SOBP: variants seen among roughly 807,000 people sequenced by gnomAD.
The protein encoded by SOBP is sine oculis binding protein homolog.
A neutral mutation model predicts 53.6 loss-of-function variants in SOBP; 4 were observed. The ratio of observed to expected loss-of-function variants is 0.07; its 90% CI spans 0.04 to 0.17. SOBP has a LOEUF of 0.17. SOBP is among the 10% of genes least tolerant of loss of function. The probability of loss-of-function intolerance (pLI) is 1.00; values close to 1 mark genes in which losing one functional copy is unlikely to be tolerated. For synonymous variants in SOBP, 584 were observed against 522.6 expected (o/e 1.12, Z -1.60); for missense variants, 1,088 against 1,204.7 (o/e 0.90, Z 1.43).
rs747346883 is a variant in SOBP at position 107,503,710 on chromosome 6, G to A, written c.150G>A (p.Lys50=). Reference sequence around the variant, plus strand: ...TCCTTGGCTGGTATGGCTATGATAAGGTTGAATTAAAAGATGGTGAGGATA... The same window carrying A: ...TCCTTGGCTGGTATGGCTATGATAAAGTTGAATTAAAAGATGGTGAGGATA... ...NELLGWYGYD[K]VELKDGEDIE... Residue 50 remains lysine, a synonymous_variant, in exon 2 of 7, where the codon AAG becomes AAA. Coordinates refer to ENST00000317357, the MANE Select transcript of SOBP (RefSeq NM_018013.4). The A allele has an allele frequency of 1.9e-6, 3 of 1,614,174 alleles. No homozygotes were observed. Among genetic ancestry groups the A allele is most frequent in the African/African-American group, 2.7e-5 (2 of 75,036 alleles).
At chr6:107,593,578 T>C (rs1182797589) in intron 5 of SOBP, among the ~76,000 whole-genome samples, 1 of 152,168 alleles carries the variant, frequency 6.6e-6, no homozygotes, top group Non-Finnish European at 1.5e-5. Flanking sequence ...TCTGGGCAAG[T>C]TTCTCACTCT....
chr6:107,557,525 C>A (rs1784649341), intron 4 of SOBP, among the ~76,000 whole-genome samples: 1 of 152,194 alleles, frequency 6.6e-6, no homozygotes, highest in African/African-American at 2.4e-5. Context: ...CAAAGTATAT[C>A]TGATGGCCTT....
intron 6 of SOBP, among the ~76,000 whole-genome samples, chr6:107,647,696 C>T (rs1386224544): frequency 2.6e-5 from 4 of 151,868 alleles, no homozygotes. Flanking sequence ...CACAGGGTGG[C>T]GCAGCCAGGA....
At position 107,634,871 on chromosome 6, in the gene SOBP, T is replaced by C. The variant is rs1290730346; in HGVS notation, c.2027T>C (p.Val676Ala). The stretch of plus-strand genomic sequence containing the variant: ...ATCCACCGCGCGCTGCACGCGCACG[T>C]CAAGGCGGAGCGCGAGCCGAGCGCC... ...NVIHRALHAH[V>A]KAEREPSAAE... The change falls in exon 6 of 7, where the codon GTC becomes GCC. Residue 676 changes from valine to alanine, a missense_variant. Val to Ala is a moderately conservative substitution (Grantham distance 64, BLOSUM62 0). Coordinates refer to ENST00000317357, the MANE Select transcript of SOBP (RefSeq NM_018013.4). This position sits in a 1 kb window ranked among gnomAD's most constrained non-coding sequence, Gnocchi z 4.5. The C allele has an allele frequency of 4.3e-5, 58 of 1,357,336 alleles. No individual in the cohort carries two copies. The highest frequency in any genetic ancestry group is 1.4e-4 in the East Asian group (4 of 28,734). The allele number at this position is 1,357,336 out of a possible 1,614,324, so 84.1% of individuals were successfully genotyped here.
In SOBP at chr6:107,635,297, T is replaced by C; in HGVS notation, c.2453T>C (p.Leu818Pro). The change falls in exon 6 of 7, where the codon CTG becomes CCG. Residue 818 changes from leucine (L) to proline (P), a missense_variant. By Grantham distance (98) the Leu-to-Pro change is moderately conservative. This residue lies in a region of SOBP where 665 missense variants were observed against 629.7 expected (regional missense o/e 1.06). Coordinates refer to ENST00000317357, the MANE Select transcript of SOBP (RefSeq NM_018013.4). This position sits in a 1 kb window ranked among gnomAD's most constrained non-coding sequence, Gnocchi z 4.5. The stretch of plus-strand genomic sequence containing the variant: ...GCGGACGAGGACCATGCCTATGCTC[T>C]GCGGATGCTGCCCAAGACCGGCTGC... ...NPADEDHAYA[L>P]RMLPKTGCVI... 2 of 1,613,816 alleles carry C rather than the reference T, an allele frequency of 1.2e-6. No individual in the cohort carries two copies. Among genetic ancestry groups the C allele is most frequent in the Non-Finnish European group, 1.7e-6 (2 of 1,179,962 alleles).
At chr6:107,552,739 A>G (rs761201674) in intron 4 of SOBP, among the ~76,000 whole-genome samples, 7 of 152,182 alleles carry the variant, frequency 4.6e-5, no homozygotes, top group Non-Finnish European at 1.0e-4. Context: ...GCTACCAAGT[A>G]GAAAGAGTGG....
chr6:107,594,519 C>CCCA (rs1785873122), intron 5 of SOBP, among the ~76,000 whole-genome samples: 1 of 151,616 alleles, frequency 6.6e-6, no homozygotes, highest in African/African-American at 2.4e-5. Flanking sequence ...TCTACATGGT[C>CCCA]CCAGACCTCT....
At chr6:107,619,874 T>TA (rs1351935764) in intron 5 of SOBP, among the ~76,000 whole-genome samples, 1 of 152,104 alleles carries the variant, frequency 6.6e-6, no homozygotes. Flanking sequence ...GAGGGAGTAT[T>TA]ACGGGATTAG....
At chr6:107,652,771 T>G (rs1473262940) in intron 6 of SOBP, among the ~76,000 whole-genome samples, 2 of 152,160 alleles carry the variant, frequency 1.3e-5, no homozygotes, top group African/African-American at 2.4e-5. Context: ...ACCACCCTGA[T>G]TAGTCAGCAG....
At position 107,503,728 on chromosome 6, in the gene SOBP, T is replaced by C. The variant is rs781699567; in HGVS notation, c.168T>C (p.Gly56=). ...ATGATAAGGTTGAATTAAAAGATGG[T>C]GAGGATATTGAATTCAGGAGCTACC... ...YGYDKVELKD[G]EDIEFRSYPT... is the part of the protein sequence containing the mutation. The change falls in exon 2 of 7, where the codon GGT becomes GGC. Residue 56 remains glycine, a synonymous_variant. Transcript: ENST00000317357. The C allele has an allele frequency of 6.2e-7, 1 of 1,614,092 alleles. No homozygotes were observed. Among genetic ancestry groups the C allele is most frequent in the Non-Finnish European group, 8.5e-7 (1 of 1,179,994 alleles).
intron 5 of SOBP, among the ~76,000 whole-genome samples, chr6:107,611,211 C>A (rs564942910): frequency 1.3e-5 from 2 of 152,240 alleles, no homozygotes; most frequent in African/African-American, 4.8e-5. Flanking sequence ...GACATGAGGT[C>A]TTTGTGGGAC....
At chr6:107,505,529 G>T (rs1422064447) in intron 2 of SOBP, among the ~76,000 whole-genome samples, 4 of 152,010 alleles carry the variant, frequency 2.6e-5, no homozygotes, top group African/African-American at 7.2e-5. Flanking sequence ...CACCATGTTG[G>T]CCAGGCTGGT....
At chr6:107,529,907 A>T (rs1783770822) in intron 3 of SOBP, among the ~76,000 whole-genome samples, 1 of 152,120 alleles carries the variant, frequency 6.6e-6, no homozygotes, top group Non-Finnish European at 1.5e-5. Context: ...TTCGGTACAA[A>T]TTTTTCATGA....
chr6:107,619,952 G>A (rs1255488908), intron 5 of SOBP, among the ~76,000 whole-genome samples: 1 of 152,158 alleles, frequency 6.6e-6, no homozygotes, highest in Non-Finnish European at 1.5e-5. Context: ...GGTAATACCT[G>A]GAAGGTTATG....
intron 5 of SOBP, among the ~76,000 whole-genome samples, chr6:107,618,844 G>A (rs574443781): frequency 1.3e-5 from 2 of 152,314 alleles, no homozygotes; most frequent in South Asian, 4.1e-4. Context: ...ATGACATCCT[G>A]TCGGGCTTGT....
intron 6 of SOBP, among the ~76,000 whole-genome samples, chr6:107,650,481 T>A (rs1237291460): frequency 6.6e-6 from 1 of 152,258 alleles, no homozygotes; most frequent in Non-Finnish European, 1.5e-5. Flanking sequence ...TGTGCTCACT[T>A]TATGTCTCTG....
chr6:107,518,256 C>T (rs1783377971), intron 3 of SOBP, among the ~76,000 whole-genome samples: 1 of 152,096 alleles, frequency 6.6e-6, no homozygotes, highest in Admixed American at 6.5e-5. Context: ...AATCTCATTA[C>T]TCATTAGGGA....
At chr6:107,524,475 C>T (rs1397977884) in intron 3 of SOBP, among the ~76,000 whole-genome samples, 2 of 152,188 alleles carry the variant, frequency 1.3e-5, no homozygotes, top group Admixed American at 1.3e-4. Context: ...TGAACATGAG[C>T]TATTTGGTCT....
intron 6 of SOBP, among the ~76,000 whole-genome samples, chr6:107,637,011 C>A (rs1771074095): frequency 6.6e-6 from 1 of 151,970 alleles, no homozygotes; most frequent in Non-Finnish European, 1.5e-5. Context: ...GGAGAATAGG[C>A]TAATTAGTTT....
Sources: allele counts gnomAD v4.1 joint callset (sites outside exome capture counted in the v4.1 genomes callset), GRCh38; gene constraint gnomAD v4.1.1; regional missense constraint gnomAD v4.1.1; non-coding constraint Gnocchi (gnomAD v3.1); transcripts MANE v1.5; gene names NCBI Gene and HGNC (gene_info 2026-07-23, HGNC 2026-07-21).